Variants in UNC79 observed in about 807,000 individuals in gnomAD.
UNC79 encodes the protein unc-79 subunit of NALCN channel complex.
In UNC79, 37 loss-of-function variants were observed where a neutral mutation model predicts 283.1. That is an observed-to-expected ratio of 0.13 (90% CI 0.10 to 0.17). UNC79 has a LOEUF of 0.17. Ranked by LOEUF, UNC79 falls within the 10% of genes least tolerant of loss-of-function variation. The pLI, the probability that UNC79 is intolerant of heterozygous loss-of-function variation, is 1.00. For missense variants in UNC79, 2,272 were observed against 3,211.1 expected, an observed-to-expected ratio of 0.71 and a Z score of 7.07; for synonymous variants, 1,107 against 1,200.2, an observed-to-expected ratio of 0.92 and a Z score of 1.61.
chr14:93,511,635 C>T (rs545228591), intron 7 of UNC79, among the ~76,000 whole-genome samples: 9 of 151,874 alleles, frequency 5.9e-5, no homozygotes, highest in Non-Finnish European at 1.2e-4. Context: ...TTAATAGAGA[C>T]GGGGTTTCAC....
chr14:93,349,945 A>G (rs1478529155), intron 1 of UNC79, among the ~76,000 whole-genome samples: 1 of 152,192 alleles, frequency 6.6e-6, no homozygotes, highest in Non-Finnish European at 1.5e-5. Flanking sequence ...AATAAAAAAA[A>G]TTAAGTGCAT....
At chr14:93,391,616 A>C (rs1442496338) in intron 1 of UNC79, among the ~76,000 whole-genome samples, 1 of 152,148 alleles carries the variant, frequency 6.6e-6, no homozygotes, top group Non-Finnish European at 1.5e-5. Flanking sequence ...TTTTTTTGAG[A>C]CAGAGTCTTG....
At chr14:93,360,001 A>T (rs1333623781) in intron 1 of UNC79, among the ~76,000 whole-genome samples, 1 of 152,206 alleles carries the variant, frequency 6.6e-6, no homozygotes, top group East Asian at 1.9e-4. Flanking sequence ...CAGGGGACTC[A>T]AAACATCATT....
At chr14:93,365,023 A>G (rs1300365140) in intron 1 of UNC79, among the ~76,000 whole-genome samples, 2 of 152,104 alleles carry the variant, frequency 1.3e-5, no homozygotes, top group African/African-American at 2.4e-5. Flanking sequence ...GCTTGAGACC[A>G]GGAGTTTGAG....
At chr14:93,591,227 A>G (rs988544666) in intron 22 of UNC79, among the ~76,000 whole-genome samples, 5 of 152,142 alleles carry the variant, frequency 3.3e-5, no homozygotes, top group African/African-American at 1.2e-4. Flanking sequence ...TGCTCTCTGT[A>G]AAATGGAGAT....
chr14:93,427,577 G>T (rs779070517), upstream of UNC79, among the ~76,000 whole-genome samples: 10 of 151,296 alleles, frequency 6.6e-5, no homozygotes, highest in Admixed American at 1.3e-4. Context: ...TTTCTTTTTA[G>T]TACTTGTCAG....
intron 1 of UNC79, among the ~76,000 whole-genome samples, chr14:93,451,690 A>AT (rs911572785): frequency 2.4e-4 from 36 of 152,058 alleles, no homozygotes; most frequent in South Asian, 8.3e-4. Context: ...AATCCCCCAC[A>AT]TTTTTTTTAG....
intron 1 of UNC79, among the ~76,000 whole-genome samples, chr14:93,419,602 A>G (rs1281019258): frequency 6.6e-6 from 1 of 151,900 alleles, no homozygotes; most frequent in Non-Finnish European, 1.5e-5. Context: ...GTTAAGGTGT[A>G]GAGTTTTATT....
chr14:93,604,773 T>C (rs972208699), intron 26 of UNC79, 123 bp from the exon 27 acceptor site: 20 of 1,007,710 alleles, frequency 2.0e-5, no homozygotes, highest in African/African-American at 3.2e-5. Flanking sequence ...TTTTATGTGA[T>C]GTTAATTCAA....
intron 1 of UNC79, among the ~76,000 whole-genome samples, chr14:93,433,454 T>G (rs994698037): frequency 6.6e-6 from 1 of 152,202 alleles, no homozygotes; most frequent in Non-Finnish European, 1.5e-5. Flanking sequence ...GACAAATACT[T>G]TTTATAAAAA....
At chr14:93,593,373 C>T (rs184039850) in intron 22 of UNC79, among the ~76,000 whole-genome samples, 7 of 152,336 alleles carry the variant, frequency 4.6e-5, no homozygotes, top group East Asian at 3.9e-4. Flanking sequence ...ATCATCCTAA[C>T]GTACCTAATT....
At chr14:93,604,066 A>G (rs541360763) in intron 26 of UNC79, among the ~76,000 whole-genome samples, 1 of 152,332 alleles carries the variant, frequency 6.6e-6, no homozygotes, top group East Asian at 1.9e-4. Flanking sequence ...AATTTTCCTT[A>G]AATTACCAAA....
intron 13 of UNC79, 42 bp downstream of exon 13, chr14:93,540,873 C>T (rs1310633973): frequency 1.9e-5 from 31 of 1,607,094 alleles, no homozygotes; most frequent in Non-Finnish European, 2.5e-5. Flanking sequence ...TCTTATTTCT[C>T]ATTTCAAAAT....
At chr14:93,524,461 A>G (rs1429465182) in intron 8 of UNC79, among the ~76,000 whole-genome samples, 1 of 152,238 alleles carries the variant, frequency 6.6e-6, no homozygotes, top group African/African-American at 2.4e-5. Context: ...TTTTTAGCTC[A>G]TATTACAAAT....
At chr14:93,577,894 C>T in exon 18 of UNC79, 2 of 1,614,200 alleles carry the variant, frequency 1.2e-6, no homozygotes, top group Non-Finnish European at 8.5e-7. Context: ...ATGCTTAGTC[C>T]ATTTCATAGT....
At chr14:93,392,207 G>C (rs2140009419) in intron 1 of UNC79, among the ~76,000 whole-genome samples, 2 of 152,268 alleles carry the variant, frequency 1.3e-5, no homozygotes, top group African/African-American at 4.8e-5. Context: ...TGACAAAGAA[G>C]TCTTTGATAT....
chr14:93,647,736 T>G (rs1028997630), intron 35 of UNC79, among the ~76,000 whole-genome samples: 1 of 152,208 alleles, frequency 6.6e-6, no homozygotes, highest in African/African-American at 2.4e-5. Context: ...TTTAACCTGC[T>G]GCATTAGTCC....
intron 7 of UNC79, among the ~76,000 whole-genome samples, chr14:93,505,720 T>C (rs80061803): frequency 0.039 from 5,867 of 150,810 alleles, 372 homozygotes; most frequent in African/African-American, 0.13. Flanking sequence ...TTTTTCTTTT[T>C]TCTCTCTCTC....
rs2067985786 is a variant in UNC79 at position 93,630,972 on chromosome 14, G to A, written c.5716+64G>A. Reference sequence around the variant, plus strand: ...ATTTTGGAACACTGTCTGCTGCCTTGTTTTCAATTTTCCCAATCTTGGTAT... The same window carrying A: ...ATTTTGGAACACTGTCTGCTGCCTTATTTTCAATTTTCCCAATCTTGGTAT... On this transcript the variant is annotated intron_variant, in intron 31 of 48. Transcript: ENST00000555664. 2.1e-6 allele frequency: 3 copies of A among 1,436,298 alleles called. No homozygotes were observed. The South Asian group carries it at 3.5e-5, about 17-fold the overall frequency. 89.0% of individuals were successfully genotyped at this position (1,436,298 alleles called of 1,614,324 possible).
Sources: gnomAD v4.1 joint callset for allele counts (sites outside exome capture counted in the v4.1 genomes callset) on GRCh38, gnomAD v4.1.1 for gene constraint, MANE v1.5 for transcripts, NCBI Gene and HGNC (gene_info 2026-07-23, HGNC 2026-07-21) for gene names.